The following NTRK2 variants were observed in gnomAD, a reference collection of about 807,000 sequenced individuals.
The protein encoded by NTRK2 is neurotrophic receptor tyrosine kinase 2.
In NTRK2, 13 loss-of-function variants were observed where a neutral mutation model predicts 94.5. The observed-to-expected ratio is 0.14, with a 90% CI of 0.09 to 0.22. The LOEUF is 0.22. Ranked by LOEUF, NTRK2 falls within the 10% of genes least tolerant of loss-of-function variation. The pLI, the probability that NTRK2 is intolerant of heterozygous loss-of-function variation, is 1.00. For missense variants in NTRK2, 639 were observed against 1,071.2 expected, an observed-to-expected ratio of 0.60 and a Z score of 5.63; for synonymous variants, 372 against 407.4, an observed-to-expected ratio of 0.91 and a Z score of 1.05.
At chr9:84,848,933 A>G (rs1043843740) in intron 12 of NTRK2, among the ~76,000 whole-genome samples, 5 of 152,226 alleles carry the variant, frequency 3.3e-5, no homozygotes, top group African/African-American at 1.2e-4. Flanking sequence ...GTGACTTTTT[A>G]TAAACTTCTT....
intron 12 of NTRK2, chr9:84,811,267 C>G (rs755424311): frequency 9.4e-7 from 1 of 1,064,874 alleles, no homozygotes; most frequent in African/African-American, 1.6e-5. Flanking sequence ...CTTAAAGTTC[C>G]TTAGCCAGCA....
rs930325985 is a variant in NTRK2, at chr9:84,709,463, A to G, written c.429-1174A>G. Among the ~76,000 whole-genome samples, 6 of 152,134 alleles carry G rather than the reference A, an allele frequency of 3.9e-5. No individual in the cohort carries two copies. The South Asian group carries it at 6.2e-4, about 16-fold the overall frequency. On this transcript the variant is annotated intron_variant, in intron 5 of 18. Coordinates refer to ENST00000277120, the MANE Select transcript of NTRK2 (RefSeq NM_006180.6). ...TCTATTCCATATCTCATAACATCAAATCCCATTTTGGTGTTGGAGGGATAC... is the reference window on the plus strand; with the variant it reads ...TCTATTCCATATCTCATAACATCAAGTCCCATTTTGGTGTTGGAGGGATAC...
At chr9:84,988,454 ACACT>A (rs773120277) in intron 17 of NTRK2, among the ~76,000 whole-genome samples, 13 of 152,300 alleles carry the variant, frequency 8.5e-5, no homozygotes, top group South Asian at 4.1e-4. Context: ...AAACACACAC[ACACT>A]CACACTCACT....
At chr9:84,735,856 A>G (rs7039171) in intron 9 of NTRK2, among the ~76,000 whole-genome samples, 2,154 of 152,332 alleles carry the variant, frequency 0.014, 52 homozygotes, top group African/African-American at 0.05. Flanking sequence ...GTGTACATGG[A>G]GACTGAGTGG....
chr9:84,817,189 C>T (rs941254356), intron 12 of NTRK2, among the ~76,000 whole-genome samples: 10 of 152,134 alleles, frequency 6.6e-5, no homozygotes, highest in African/African-American at 1.2e-4. Flanking sequence ...CTTTGGTTGG[C>T]GAGTCGTTGG....
chr9:84,959,536 A>G (rs1411435170), intron 17 of NTRK2, among the ~76,000 whole-genome samples: 1 of 152,218 alleles, frequency 6.6e-6, no homozygotes, highest in Non-Finnish European at 1.5e-5. Context: ...GGGAGCTGGT[A>G]GCACCAGGAA....
intron 17 of NTRK2, among the ~76,000 whole-genome samples, chr9:84,973,125 G>A (rs1225635260): frequency 1.3e-5 from 2 of 152,144 alleles, no homozygotes; most frequent in African/African-American, 2.4e-5. Flanking sequence ...AAGGACCATG[G>A]CCAACAGCTT....
chr9:85,017,279 G>A (rs766007469), intron 17 of NTRK2, among the ~76,000 whole-genome samples: 1 of 152,282 alleles, frequency 6.6e-6, no homozygotes, highest in East Asian at 1.9e-4. Context: ...ATGCCTGCTT[G>A]AGTAAATACC....
Position 84,702,217 on chromosome 9 carries a change from G to C in NTRK2, c.271G>C (p.Val91Leu). The stretch of plus-strand genomic sequence containing the variant: ...CAACGAAGATGATGTTGAAGCTTAT[G>C]TGGGACTGAGAAATCTGTGAGTACT... ...IINEDDVEAY[V>L]GLRNLTIVDS... Residue 91 changes from valine (V) to leucine (L), a missense_variant, in exon 3 of 19, where the codon GTG (valine) becomes CTG (leucine). This residue lies in a region of NTRK2 where 206 missense variants were observed against 251.5 expected (regional missense o/e 0.82). Coordinates refer to ENST00000277120, the MANE Select transcript of NTRK2 (RefSeq NM_006180.6). The C allele has an allele frequency of 6.2e-7, 1 of 1,614,236 alleles. No homozygotes were observed. Among genetic ancestry groups the C allele is most frequent in the South Asian group, 1.1e-5 (1 of 91,088 alleles).
chr9:84,782,037 A>AAAACACAC (rs1554725359), intron 12 of NTRK2, among the ~76,000 whole-genome samples: 1 of 149,550 alleles, frequency 6.7e-6, no homozygotes, highest in Non-Finnish European at 1.5e-5. Context: ...CCTCCAAGAA[A>AAAACACAC]ACACACACAC....
chr9:84,979,162 G>A (rs188386267), intron 17 of NTRK2, among the ~76,000 whole-genome samples: 4 of 152,332 alleles, frequency 2.6e-5, no homozygotes, highest in Admixed American at 1.3e-4. Context: ...AGAATTGTAA[G>A]GTAATAGCTG....
chr9:84,839,544 C>G (rs932908252), intron 12 of NTRK2, among the ~76,000 whole-genome samples: 3 of 152,200 alleles, frequency 2.0e-5, no homozygotes, highest in South Asian at 2.1e-4. Flanking sequence ...CACTCTTACT[C>G]TGTAAAGAGC....
At chr9:84,894,166 GAGAATATATTTTTATAACA>G (rs1564440848) in intron 14 of NTRK2, among the ~76,000 whole-genome samples, 3 of 130,558 alleles carry the variant, frequency 2.3e-5, no homozygotes, top group African/African-American at 3.9e-5. Flanking sequence ...GACTATTTGG[GAGAATATATTTTTATAACA>G]CATTGAATAG....
intron 16 of NTRK2, among the ~76,000 whole-genome samples, chr9:84,948,951 C>T (rs548831832): frequency 6.6e-6 from 1 of 152,154 alleles, no homozygotes; most frequent in Admixed American, 6.5e-5. Flanking sequence ...TAGGAGTTTG[C>T]TATGTGGTGT....
intron 12 of NTRK2, chr9:84,812,993 TTC>T: frequency 9.7e-7 from 1 of 1,035,394 alleles, no homozygotes; most frequent in Non-Finnish European, 1.2e-6. Context: ...GTAACATAGC[TTC>T]TCTTTTCTGT....
At chr9:84,929,077 A>T (rs1564473600) in intron 14 of NTRK2, among the ~76,000 whole-genome samples, 1 of 152,188 alleles carries the variant, frequency 6.6e-6, no homozygotes, top group Non-Finnish European at 1.5e-5. Context: ...ATTTTTTATT[A>T]GTTTTAGATT....
At chr9:84,778,673 C>G (rs2067278701) in intron 12 of NTRK2, among the ~76,000 whole-genome samples, 1 of 152,184 alleles carries the variant, frequency 6.6e-6, no homozygotes, top group African/African-American at 2.4e-5. Context: ...TTGACAGCAA[C>G]ATTTTCCCAG....
intron 17 of NTRK2, among the ~76,000 whole-genome samples, chr9:84,976,735 A>G (rs1450076849): frequency 6.6e-6 from 1 of 152,168 alleles, no homozygotes; most frequent in African/African-American, 2.4e-5. Context: ...CACAAAAAAA[A>G]AACTATAAAC....
At chr9:84,960,565 T>A (rs1004451197) in intron 17 of NTRK2, among the ~76,000 whole-genome samples, 4 of 152,282 alleles carry the variant, frequency 2.6e-5, no homozygotes, top group East Asian at 3.9e-4. Context: ...ACTGATTGAT[T>A]AATAGAAAGA....
Sources: allele counts gnomAD v4.1 joint callset (sites outside exome capture counted in the v4.1 genomes callset), GRCh38; gene constraint gnomAD v4.1.1; regional missense constraint gnomAD v4.1.1; transcripts MANE v1.5; gene names NCBI Gene and HGNC (gene_info 2026-07-23, HGNC 2026-07-21).